The following MAST4 variants were observed in gnomAD, a reference collection of about 807,000 sequenced individuals.
The protein encoded by MAST4 is microtubule associated serine/threonine kinase family member 4.
A neutral mutation model predicts 162.7 loss-of-function variants in MAST4; 89 were observed. The ratio of observed to expected loss-of-function variants is 0.55; its 90% CI spans 0.46 to 0.65. The LOEUF is 0.65. Among genes scored for constraint, MAST4 ranks in the 30% least tolerant of loss-of-function variants. MAST4 has a pLI of 0.00. For synonymous variants in MAST4, 1,479 were observed against 1,361.1 expected (o/e 1.09, Z -1.91); for missense variants, 3,153 against 3,374.0 (o/e 0.93, Z 1.62).
At chr5:66,841,872 T>A (rs964812110) in intron 3 of MAST4, among the ~76,000 whole-genome samples, 1 of 152,194 alleles carries the variant, frequency 6.6e-6, no homozygotes, top group Non-Finnish European at 1.5e-5. Context: ...CTCATTTCTT[T>A]AAGCTGAGTT....
chr5:67,166,074 G>A lies in MAST4; in HGVS notation c.6895G>A (p.Glu2299Lys). 1 of 1,613,542 alleles carries A rather than the reference G, an allele frequency of 6.2e-7. No homozygotes were observed. Among genetic ancestry groups the A allele is most frequent in the Non-Finnish European group, 8.5e-7 (1 of 1,179,720 alleles). The change falls in exon 29 of 29, where the codon GAG becomes AAG. Residue 2299 changes from glutamate (E) to lysine (K), a missense_variant. Glu to Lys is a moderately conservative substitution (Grantham distance 56). Transcript: ENST00000403625. ...TGGTGGGCGGCCCCTGGAGGTGCTG[G>A]AGAAGCCTGTGCATTTGCCAAGGCC... ...TSGGRPLEVLEKPVHLPRPGH... is the reference protein window; with the variant it reads ...TSGGRPLEVLKKPVHLPRPGH...
chr5:67,043,876 A>G (rs971951032), intron 4 of MAST4, among the ~76,000 whole-genome samples: 1 of 151,992 alleles, frequency 6.6e-6, no homozygotes, highest in African/African-American at 2.4e-5. Flanking sequence ...ATAATAACTG[A>G]CCTATGGACA....
At chr5:66,982,621 C>T (rs1749002094) in intron 4 of MAST4, among the ~76,000 whole-genome samples, 1 of 152,192 alleles carries the variant, frequency 6.6e-6, no homozygotes, top group South Asian at 2.1e-4. Flanking sequence ...TGTCATATTG[C>T]AGCTTAAGCC....
At chr5:67,100,124 T>A (rs1204862480) in intron 7 of MAST4, among the ~76,000 whole-genome samples, 1 of 152,214 alleles carries the variant, frequency 6.6e-6, no homozygotes, top group Non-Finnish European at 1.5e-5. Context: ...TGCTCCCTAA[T>A]GTCACTCCAG....
intron 1 of MAST4, among the ~76,000 whole-genome samples, chr5:66,687,534 ATATG>A (rs1455952647): frequency 2.0e-5 from 3 of 151,510 alleles, no homozygotes; most frequent in Non-Finnish European, 2.9e-5. Flanking sequence ...ACATGTGTAT[ATATG>A]TATGTATACA....
At chr5:66,602,830 G>A (rs1330627554) in intron 1 of MAST4, among the ~76,000 whole-genome samples, 3 of 152,188 alleles carry the variant, frequency 2.0e-5, no homozygotes, top group Admixed American at 6.5e-5. Context: ...TGAGGTCAGA[G>A]TCTGTAGTGA....
Position 67,164,311 on chromosome 5 carries a change from C to T in MAST4, c.5132C>T (p.Thr1711Ile). 6.2e-7 allele frequency: 1 copy of T among 1,613,980 alleles called. No individual in the cohort carries two copies. The highest frequency in any genetic ancestry group is 2.2e-5 in the East Asian group (1 of 44,884). The change falls in exon 29 of 29, where the codon ACA becomes ATA. Residue 1711 changes from threonine (T) to isoleucine (I), a missense_variant. Thr to Ile is a moderately conservative substitution (Grantham distance 89). Coordinates refer to ENST00000403625, the MANE Select transcript of MAST4 (RefSeq NM_001164664.2). This position sits in a 1 kb window ranked among gnomAD's most constrained non-coding sequence, Gnocchi z 5.3. Reference protein sequence around the residue: ...NLCPVLKPKMTAGSHECLPGN... With the variant: ...NLCPVLKPKMIAGSHECLPGN... ...TGCCCTGTGCTGAAGCCCAAGATGA[C>T]AGCTGGCTCCCACGAATGCCTGCCA...
At chr5:66,894,066 A>C (rs1762528382) in intron 3 of MAST4, among the ~76,000 whole-genome samples, 1 of 152,186 alleles carries the variant, frequency 6.6e-6, no homozygotes, top group Non-Finnish European at 1.5e-5. Context: ...TCCTTGCCTC[A>C]CACTGCTTCC....
At position 66,992,201 on chromosome 5, in the gene MAST4, C is replaced by G. The variant is rs374190055; in HGVS notation, c.675-62203C>G. On this transcript the variant is annotated intron_variant, in intron 4 of 28. Coordinates refer to ENST00000403625, the MANE Select transcript of MAST4 (RefSeq NM_001164664.2). ...TTTTCTGTTGTTTTTTCATGTAATG[C>G]ATTACCATGCTGCTATATAATCTTC... Among the ~76,000 whole-genome samples the G allele has an allele frequency of 1.6e-3, 250 of 152,268 alleles. 2 individuals are homozygous for G. Among genetic ancestry groups the G allele is most frequent in the African/African-American group, 5.9e-3 (247 of 41,552 alleles).
intron 3 of MAST4, among the ~76,000 whole-genome samples, chr5:66,897,224 A>C (rs1762739274): frequency 6.6e-6 from 1 of 151,886 alleles, no homozygotes; most frequent in African/African-American, 2.4e-5. Flanking sequence ...TTTAACACAC[A>C]CTCCACATAT....
chr5:66,908,122 T>A (rs1224868760), intron 4 of MAST4, among the ~76,000 whole-genome samples: 1 of 152,040 alleles, frequency 6.6e-6, no homozygotes, highest in Non-Finnish European at 1.5e-5. Context: ...ATCCTGAGAG[T>A]AAAGAGAGGA....
chr5:66,972,398 A>C (rs1287288954), intron 4 of MAST4, among the ~76,000 whole-genome samples: 1 of 152,208 alleles, frequency 6.6e-6, no homozygotes, highest in African/African-American at 2.4e-5. Flanking sequence ...CCACATTGAG[A>C]AGAACATTTA....
chr5:67,075,348 A>AT (rs1761509866), intron 5 of MAST4, among the ~76,000 whole-genome samples: 2 of 151,352 alleles, frequency 1.3e-5, no homozygotes, highest in African/African-American at 4.9e-5. Context: ...AACTTTTTGT[A>AT]TTTTTTTGTA....
At chr5:67,090,783 G>C (rs1181979584) in intron 6 of MAST4, among the ~76,000 whole-genome samples, 1 of 151,894 alleles carries the variant, frequency 6.6e-6, no homozygotes, top group South Asian at 2.1e-4. Flanking sequence ...ACAATGTCAT[G>C]TCACACCATG....
chr5:66,892,421 A>G (rs1762418765), intron 3 of MAST4, among the ~76,000 whole-genome samples: 2 of 152,342 alleles, frequency 1.3e-5, no homozygotes, highest in South Asian at 4.1e-4. Context: ...GCACAGCACC[A>G]GCCATATCCA....
chr5:66,816,953 C>T (rs1312903066), intron 3 of MAST4, among the ~76,000 whole-genome samples: 3 of 152,158 alleles, frequency 2.0e-5, no homozygotes, highest in African/African-American at 7.2e-5. Flanking sequence ...AATTTGAGAA[C>T]TACTGTTTTG....
intron 1 of MAST4, among the ~76,000 whole-genome samples, chr5:66,740,509 G>A (rs769804960): frequency 1.3e-5 from 2 of 152,188 alleles, no homozygotes; most frequent in Non-Finnish European, 2.9e-5. Flanking sequence ...TGTTACATCT[G>A]TGCTTGGCTC....
At chr5:67,078,925 T>TAAA (rs1561622330) in intron 5 of MAST4, among the ~76,000 whole-genome samples, 1 of 86,288 alleles carries the variant, frequency 1.2e-5, no homozygotes, top group Non-Finnish European at 2.0e-5. Flanking sequence ...TATATATATA[T>TAAA]ATATATATAT....
At chr5:66,842,672 A>C (rs751953743) in intron 3 of MAST4, among the ~76,000 whole-genome samples, 4 of 152,038 alleles carry the variant, frequency 2.6e-5, no homozygotes, top group Non-Finnish European at 5.9e-5. Flanking sequence ...TCTGGGTGCC[A>C]CTCTCTCTAG....
Sources: allele counts gnomAD v4.1 joint callset (sites outside exome capture counted in the v4.1 genomes callset), GRCh38; gene constraint gnomAD v4.1.1; non-coding constraint Gnocchi (gnomAD v3.1); transcripts MANE v1.5; gene names NCBI Gene and HGNC (gene_info 2026-07-23, HGNC 2026-07-21).